Variants in AS3MT observed in about 807,000 individuals in gnomAD.
The protein encoded by AS3MT is arsenite methyltransferase.
A neutral mutation model predicts 45.3 loss-of-function variants in AS3MT; 47 were observed. The observed-to-expected ratio is 1.04, with a 90% CI of 0.82 to 1.32. The LOEUF (loss-of-function observed/expected upper bound fraction) is 1.32. AS3MT is among the 40% of genes most tolerant of loss of function. The pLI, the probability that AS3MT is intolerant of heterozygous loss-of-function variation, is 0.00. For synonymous variants in AS3MT, 141 were observed against 152.8 expected (o/e 0.92, Z 0.57); for missense variants, 396 against 451.1 (o/e 0.88, Z 1.11).
intron 9 of AS3MT, among the ~76,000 whole-genome samples, chr10:102,887,496 G>C (rs528975759): frequency 6.6e-6 from 1 of 152,026 alleles, no homozygotes; most frequent in East Asian, 1.9e-4. Flanking sequence ...ATATACTTTG[G>C]AGCTCCAATG....
chr10:102,874,639 A>G lies in AS3MT; in HGVS notation c.506A>G (p.Gln169Arg). 6.2e-7 allele frequency: 1 copy of G among 1,610,198 alleles called. No homozygotes were observed. Among genetic ancestry groups the G allele is most frequent in the Non-Finnish European group, 8.5e-7 (1 of 1,177,624 alleles). Residue 169 changes from glutamine (Q) to arginine (R), a missense_variant, in exon 6 of 11, where the codon CAG becomes CGG. Gln to Arg is a conservative substitution (Grantham distance 43). Coordinates refer to ENST00000369880, the MANE Select transcript of AS3MT (RefSeq NM_020682.4). ...NLVPDKQQVL[Q>R]EAYRVLKHGG... Reference sequence around the variant, plus strand: ...GTGCCTGATAAACAACAAGTGCTTCAGGAGGCATATCGGGTGCTGAAGGTG... The same window carrying G: ...GTGCCTGATAAACAACAAGTGCTTCGGGAGGCATATCGGGTGCTGAAGGTG...
intron 6 of AS3MT, among the ~76,000 whole-genome samples, 189 bp from the exon 7 acceptor site, chr10:102,876,765 G>A (rs1326970227): frequency 6.6e-6 from 1 of 152,028 alleles, no homozygotes; most frequent in Non-Finnish European, 1.5e-5. Flanking sequence ...GCCACTGGGA[G>A]GAAAAAAAAC....
At chr10:102,884,482 A>G (rs893439015) in intron 9 of AS3MT, among the ~76,000 whole-genome samples, 2 of 148,308 alleles carry the variant, frequency 1.3e-5, no homozygotes, top group African/African-American at 5.0e-5. Context: ...AATTCCACAT[A>G]TAATCTAGCG....
intron 9 of AS3MT, among the ~76,000 whole-genome samples, chr10:102,886,423 C>T (rs1248594257): frequency 2.0e-5 from 3 of 151,700 alleles, no homozygotes; most frequent in African/African-American, 4.8e-5. Flanking sequence ...CTCCCGGGTT[C>T]AAGCAATTCT....
At chr10:102,896,890 CGAA>C (rs1012931935) in intron 10 of AS3MT, among the ~76,000 whole-genome samples, 2 of 151,498 alleles carry the variant, frequency 1.3e-5, no homozygotes, top group Non-Finnish European at 2.9e-5. Flanking sequence ...TTCTGTTGTT[CGAA>C]GAAGGTGATA....
chr10:102,878,480 A>G lies in AS3MT; in HGVS notation c.712A>G (p.Ile238Val). ...TTTGGTCACTGCCAATCTCATTACA[A>G]TTCAAAACAAGGAACTGGAAAGAGT... ...PRLVTANLIT[I>V]QNKELERVIG... Residue 238 changes from isoleucine (I) to valine (V), a missense_variant, in exon 8 of 11, where the codon ATT (isoleucine) becomes GTT (valine). By Grantham distance (29) the Ile-to-Val change is conservative. Transcript: ENST00000369880. 1 of 1,614,116 alleles carries G rather than the reference A, an allele frequency of 6.2e-7. No individual in the cohort carries two copies. The highest frequency in any genetic ancestry group is 8.5e-7 in the Non-Finnish European group (1 of 1,180,024).
intron 9 of AS3MT, among the ~76,000 whole-genome samples, chr10:102,889,606 G>GCC (rs1845024920): frequency 4.9e-5 from 5 of 101,948 alleles, no homozygotes; most frequent in Admixed American, 1.1e-4. Flanking sequence ...TCCCCTGCCT[G>GCC]TCTGCCTGCC....
intron 10 of AS3MT, among the ~76,000 whole-genome samples, chr10:102,898,154 C>T (rs1367936517): frequency 2.0e-5 from 3 of 150,486 alleles, no homozygotes; most frequent in African/African-American, 4.9e-5. Flanking sequence ...TTATGATAAA[C>T]GCTGGAGTAC....
chr10:102,890,735 G>C (rs1317890794), intron 10 of AS3MT, 57 bp downstream of exon 10: 14 of 1,534,580 alleles, frequency 9.1e-6, no homozygotes, highest in African/African-American at 1.4e-5. Flanking sequence ...TTTTGAGATG[G>C]AGTCTCTCTC....
rs1162310873 is a variant in AS3MT at position 102,869,724 on chromosome 10, T to TGCA, written c.2-79_2-78insAGC. The stretch of plus-strand genomic sequence containing the variant: ...GTCCTCCCCTCACCCCTCGGCCCGC[T>TGCA]GCCTGCCCTTTACTGGCCCCCTCCC... On this transcript the variant is annotated intron_variant, in intron 1 of 10. Transcript: ENST00000369880. 25 of 1,609,710 alleles carry TGCA rather than the reference T, an allele frequency of 1.6e-5. 1 individual carries two copies. In the Middle Eastern group the frequency reaches 9.9e-4, roughly 64 times the overall value.
At chr10:102,879,070 A>T in intron 9 of AS3MT, 79 bp downstream of exon 9, 1 of 1,426,900 alleles carries the variant, frequency 7.0e-7, no homozygotes, top group Non-Finnish European at 9.5e-7. Context: ...TTGACTTTGC[A>T]TTGCCTCCCA....
chr10:102,888,879 A>T (rs201608058), intron 9 of AS3MT, among the ~76,000 whole-genome samples: 12,712 of 44,676 alleles, frequency 0.28, 1,250 homozygotes, highest in East Asian at 0.44. Context: ...ATATATATAT[A>T]TATTTTTTTT....
rs75387286 is a variant in AS3MT at position 102,891,312 on chromosome 10, C to A, written c.1020+634C>A. Reference sequence around the variant, plus strand: ...CCTGGTGGAGTCGGCGCGGGGAGCCCTCTCCTGCCCTGCTCACGCCTGACT... The same window carrying A: ...CCTGGTGGAGTCGGCGCGGGGAGCCATCTCCTGCCCTGCTCACGCCTGACT... On this transcript the variant is annotated intron_variant, in intron 10 of 10. Coordinates refer to ENST00000369880, the MANE Select transcript of AS3MT (RefSeq NM_020682.4). 4.5e-4 allele frequency among the ~76,000 whole-genome samples: 69 copies of A among 152,320 alleles called. No individual in the cohort carries two copies. In the East Asian group the frequency reaches 0.012, roughly 26 times the overall value.
At chr10:102,871,256 CAAA>C (rs527286262) in intron 3 of AS3MT, among the ~76,000 whole-genome samples, 1 of 146,882 alleles carries the variant, frequency 6.8e-6, no homozygotes, top group African/African-American at 2.5e-5. Context: ...CAAAACAAAA[CAAA>C]AAAAAGGCCG....
At chr10:102,875,526 C>T (rs1844771381) in intron 6 of AS3MT, among the ~76,000 whole-genome samples, 1 of 151,276 alleles carries the variant, frequency 6.6e-6, no homozygotes, top group Admixed American at 6.6e-5. Flanking sequence ...TGGTACATGC[C>T]TGTACTCCCA....
At chr10:102,888,434 T>C (rs1218672491) in intron 9 of AS3MT, among the ~76,000 whole-genome samples, 1 of 152,174 alleles carries the variant, frequency 6.6e-6, no homozygotes, top group Non-Finnish European at 1.5e-5. Flanking sequence ...TCTTTTTTTT[T>C]CTGTGAGATG....
intron 9 of AS3MT, among the ~76,000 whole-genome samples, chr10:102,888,881 ATT>A (rs869038434): frequency 0.025 from 1,295 of 52,036 alleles, 11 homozygotes; most frequent in African/African-American, 0.066. Flanking sequence ...ATATATATAT[ATT>A]TTTTTTTTTT....
At chr10:102,877,067 C>T (rs1440851076) in intron 7 of AS3MT, 32 bp downstream of exon 7, 1 of 1,589,390 alleles carries the variant, frequency 6.3e-7, no homozygotes, top group Non-Finnish European at 8.6e-7. Context: ...AGTATTAAGG[C>T]AGATGGTTGT....
At chr10:102,888,275 A>C (rs771581821) in intron 9 of AS3MT, 1 of 152,224 alleles carries the variant, frequency 6.6e-6, no homozygotes, top group African/African-American at 2.4e-5. Context: ...TTATTGATAC[A>C]TAAAGACTTA....
Sources: allele counts gnomAD v4.1 joint callset (sites outside exome capture counted in the v4.1 genomes callset), GRCh38; gene constraint gnomAD v4.1.1; transcripts MANE v1.5; gene names NCBI Gene and HGNC (gene_info 2026-07-23, HGNC 2026-07-21).